Variants in NRDC observed in about 807,000 individuals in gnomAD.
NRDC encodes the protein nardilysin.
In NRDC, 54 loss-of-function variants were observed where a neutral mutation model predicts 147.1. The ratio of observed to expected loss-of-function variants is 0.37; its 90% CI spans 0.29 to 0.46. The LOEUF (loss-of-function observed/expected upper bound fraction) is 0.46. Ranked by LOEUF, NRDC falls within the 20% of genes least tolerant of loss-of-function variation. The pLI is 1.00. For missense variants in NRDC, 1,082 were observed against 1,370.6 expected (o/e 0.79, Z 3.33); for synonymous variants, 440 against 482.1 (o/e 0.91, Z 1.14).
At chr1:51,858,349 T>C (rs1682358929) in intron 1 of NRDC, among the ~76,000 whole-genome samples, 1 of 151,864 alleles carries the variant, frequency 6.6e-6, no homozygotes, top group African/African-American at 2.4e-5. Flanking sequence ...TGTGGTGGTG[T>C]ACACCTGTAG....
chr1:51,839,863 C>T (rs546961885), intron 2 of NRDC: 1 of 162,028 alleles, frequency 6.2e-6, no homozygotes, highest in East Asian at 1.8e-4. Flanking sequence ...ACTCTTATTT[C>T]TCTAATCCAG....
chr1:51,876,565 T>A (rs1161264352), intron 1 of NRDC, among the ~76,000 whole-genome samples: 1 of 152,234 alleles, frequency 6.6e-6, no homozygotes, highest in Non-Finnish European at 1.5e-5. Context: ...TTGGCGCTCA[T>A]AAAGTTTTGG....
chr1:51,814,965 G>A, intron 11 of NRDC, 152 bp from the exon 12 acceptor site: 1 of 807,644 alleles, frequency 1.2e-6, no homozygotes, highest in East Asian at 3.0e-5. Context: ...AAATCTAAAA[G>A]TGCAAATTTT....
intron 2 of NRDC, among the ~76,000 whole-genome samples, chr1:51,838,530 AG>A (rs1681095659): frequency 6.6e-6 from 1 of 152,230 alleles, no homozygotes; most frequent in Non-Finnish European, 1.5e-5. Flanking sequence ...GGAAAGATAT[AG>A]AAAAAAAGTA....
chr1:51,795,193 C>G, intron 22 of NRDC: 1 of 1,334,682 alleles, frequency 7.5e-7, no homozygotes, highest in Non-Finnish European at 9.8e-7. Flanking sequence ...GAATCCTGGG[C>G]CCATTGACAT....
rs755231678 is a variant in NRDC, at chr1:51,878,604, TCTC to T, written c.9_11del (p.Arg4del). The T allele has an allele frequency of 5.6e-6, 9 of 1,611,102 alleles. No individual in the cohort carries two copies. The East Asian group carries it at 1.6e-4, about 28-fold the overall frequency. On this transcript the variant is annotated inframe_deletion, in exon 1 of 31. Coordinates refer to ENST00000352171, the MANE Select transcript of NRDC (RefSeq NM_001101662.2). ...TGGCACAGACTGCAGCAACAGTGACTCTCCTCAGCATTCACCACCAAGCTGGAG... is the reference window on the plus strand; with the variant it reads ...TGGCACAGACTGCAGCAACAGTGACTCTCAGCATTCACCACCAAGCTGGAG...
chr1:51,799,720 T>C (rs988606829), intron 21 of NRDC, among the ~76,000 whole-genome samples: 1 of 152,178 alleles, frequency 6.6e-6, no homozygotes, highest in Admixed American at 6.5e-5. Flanking sequence ...CGCAAAAGTA[T>C]CCTACAGGCT....
chr1:51,825,747 T>C (rs1557913968), intron 5 of NRDC, among the ~76,000 whole-genome samples: 2 of 152,242 alleles, frequency 1.3e-5, no homozygotes, highest in African/African-American at 4.8e-5. Context: ...ATTGTTTAAA[T>C]TTCTTCCAAA....
rs537930798 is a variant in NRDC at position 51,858,576 on chromosome 1, G to C, written c.342-18062C>G. 2.6e-5 allele frequency among the ~76,000 whole-genome samples: 4 copies of C among 152,102 alleles called. No individual in the cohort carries two copies. The East Asian group carries it at 7.7e-4, about 29-fold the overall frequency. ...ATAAACACTATCCTGCCTCAAGAGT[G>C]AAAATAACGATATCCTGGATAAAAT... On this transcript the variant is annotated intron_variant, in intron 1 of 30. Transcript: ENST00000352171.
intron 1 of NRDC, among the ~76,000 whole-genome samples, chr1:51,850,344 A>G (rs1681887686): frequency 1.3e-5 from 2 of 152,234 alleles, no homozygotes; most frequent in Admixed American, 1.3e-4. Context: ...CCACAACTCA[A>G]CAAATGATGC....
At chr1:51,866,317 T>C (rs768092143) in intron 1 of NRDC, among the ~76,000 whole-genome samples, 7 of 152,076 alleles carry the variant, frequency 4.6e-5, no homozygotes, top group Non-Finnish European at 1.0e-4. Flanking sequence ...TTGGTGTCAA[T>C]GTAAAAAAGC....
In NRDC at chr1:51,840,524, G is replaced by GA. The variant is rs3841790; in HGVS notation, c.342-11dup. The stretch of plus-strand genomic sequence containing the variant: ...CTGTAATTTGATGTATCTGGGGGGA[G>GA]AAAAAAAAAATCACACATTTTGATT... On this transcript the variant is annotated splice_polypyrimidine_tract_variant and intron_variant, in intron 1 of 30. Transcript: ENST00000352171. 0.019 allele frequency: 27,931 copies of GA among 1,449,106 alleles called. 378 individuals carry two copies. The highest frequency in any genetic ancestry group is 0.096 in the South Asian group (6,971 of 72,982). 89.8% of individuals were successfully genotyped at this position (1,449,106 alleles called of 1,614,324 possible). A position where few individuals can be genotyped will look rare whatever the true frequency, so the allele number is the denominator to read the frequency against.
intron 1 of NRDC, among the ~76,000 whole-genome samples, chr1:51,867,801 A>C (rs1682888623): frequency 6.6e-6 from 1 of 152,244 alleles, no homozygotes; most frequent in African/African-American, 2.4e-5. Flanking sequence ...TAATGGAAAC[A>C]GATGAATTAC....
chr1:51,837,689 G>T (rs1340772967), intron 2 of NRDC: 1 of 1,267,156 alleles, frequency 7.9e-7, no homozygotes, highest in Non-Finnish European at 1.1e-6. Flanking sequence ...TCATACTTGA[G>T]AACTGAATTA....
chr1:51,853,222 A>T (rs150996024), intron 1 of NRDC, among the ~76,000 whole-genome samples: 1,447 of 144,406 alleles, frequency 0.01, 39 homozygotes, highest in South Asian at 0.099. Context: ...TCTCCAAAAA[A>T]AAATATATAT....
At chr1:51,846,613 G>T (rs527906114) in intron 1 of NRDC, among the ~76,000 whole-genome samples, 5 of 152,168 alleles carry the variant, frequency 3.3e-5, no homozygotes, top group African/African-American at 9.7e-5. Context: ...TCGTACTCTC[G>T]CTGGCTTCAG....
intron 1 of NRDC, among the ~76,000 whole-genome samples, chr1:51,844,819 AAGGAAGGAAGGAAGG>A (rs1681463348): frequency 2.5e-3 from 1 of 398 alleles, no homozygotes; most frequent in Non-Finnish European, 7.2e-3. Context: ...GGGAGGAAAG[AAGGAAGGAAGGAAGG>A]AAGGAAGGAA....
intron 11 of NRDC, among the ~76,000 whole-genome samples, chr1:51,815,147 A>G (rs889617456): frequency 6.7e-6 from 1 of 150,312 alleles, no homozygotes; most frequent in African/African-American, 2.5e-5. Flanking sequence ...TATTCAAATG[A>G]TGGCTGCTGG....
rs757042778 is a variant in NRDC at position 51,827,864 on chromosome 1, G to A, written c.872C>T (p.Ala291Val). Reference protein sequence around the residue: ...KYFKEALDRWAQFFIHPLMIR... With the variant: ...KYFKEALDRWVQFFIHPLMIR... ...CATTAGTGGGTGGATGAAGAACTGC[G>A]CCCATCTGAACAAAAAACAAAACTG... The change falls in exon 5 of 31, where the codon GCG becomes GTG. Residue 291 changes from alanine (A) to valine (V), a missense_variant. Ala to Val is a moderately conservative substitution (Grantham distance 64). Transcript: ENST00000352171. 15 of 1,613,318 alleles carry A rather than the reference G, an allele frequency of 9.3e-6. No individual in the cohort carries two copies. Among genetic ancestry groups the A allele is most frequent in the South Asian group, 4.4e-5 (4 of 91,026 alleles).
Sources: allele counts gnomAD v4.1 joint callset (sites outside exome capture counted in the v4.1 genomes callset), GRCh38; gene constraint gnomAD v4.1.1; transcripts MANE v1.5; gene names NCBI Gene and HGNC (gene_info 2026-07-23, HGNC 2026-07-21).